JAKMIP3: variants seen among roughly 807,000 people sequenced by gnomAD.
JAKMIP3 encodes the protein janus kinase and microtubule-interacting protein 3.
In JAKMIP3, 58 loss-of-function variants were observed where a neutral mutation model predicts 118.5. The observed-to-expected ratio is 0.49, with a 90% confidence interval of 0.40 to 0.61. JAKMIP3 has a LOEUF of 0.61. JAKMIP3 is among the 20% of genes least tolerant of loss of function. JAKMIP3 has a pLI of 0.00. For missense variants in JAKMIP3, 950 were observed against 1,109.0 expected (o/e 0.86, Z 2.04); for synonymous variants, 486 against 451.2 (o/e 1.08, Z -0.98).
At chr10:132,144,789 T>G in intron 11 of JAKMIP3, 1 of 231,630 alleles carries the variant, frequency 4.3e-6, no homozygotes, top group Non-Finnish European at 8.4e-6. Context: ...ATTAGTGGGG[T>G]GTGGTGGTGC....
intron 23 of JAKMIP3, among the ~76,000 whole-genome samples, chr10:132,171,196 G>A (rs1184504889): frequency 1.3e-5 from 2 of 152,232 alleles, no homozygotes; most frequent in African/African-American, 2.4e-5. Flanking sequence ...GAAGCGAGGC[G>A]GCTGTCATCC....
intron 3 of JAKMIP3, among the ~76,000 whole-genome samples, chr10:132,123,142 C>G (rs867194445): frequency 6.6e-6 from 1 of 152,202 alleles, no homozygotes; most frequent in Admixed American, 6.5e-5. Context: ...GAGGCACTTT[C>G]CACCCACAGG....
chr10:132,150,827 C>T (rs1035463489), intron 16 of JAKMIP3, among the ~76,000 whole-genome samples: 1 of 149,380 alleles, frequency 6.7e-6, no homozygotes, highest in Admixed American at 6.6e-5. Flanking sequence ...TATCTGTCCT[C>T]CACAATTCAT....
At chr10:132,157,210 CCTT>C (rs1326194575) in intron 19 of JAKMIP3, among the ~76,000 whole-genome samples, 1 of 152,132 alleles carries the variant, frequency 6.6e-6, no homozygotes, top group Non-Finnish European at 1.5e-5. Context: ...GTTCTCTTCT[CCTT>C]CTCTGAAGTG....
At chr10:132,171,397 G>T (rs2059464641) in intron 23 of JAKMIP3, among the ~76,000 whole-genome samples, 1 of 152,202 alleles carries the variant, frequency 6.6e-6, no homozygotes, top group South Asian at 2.1e-4. Flanking sequence ...CCACAGCCCG[G>T]CAGGTGCACT....
intron 11 of JAKMIP3, chr10:132,144,293 C>T (rs1837108522): frequency 6.6e-6 from 1 of 152,280 alleles, no homozygotes; most frequent in Non-Finnish European, 1.5e-5. Flanking sequence ...GTGGGGCGGG[C>T]TCTGGGAGTC....
At chr10:132,108,168 CT>C (rs1191512671) in intron 2 of JAKMIP3, among the ~76,000 whole-genome samples, 2 of 152,200 alleles carry the variant, frequency 1.3e-5, no homozygotes, top group Non-Finnish European at 2.9e-5. Context: ...CCAGGGGGTT[CT>C]TTCTAGGTTG....
In JAKMIP3 at chr10:132,133,301, T is replaced by C; in HGVS notation, c.634-11T>C. On this transcript the variant is annotated splice_polypyrimidine_tract_variant and intron_variant, in intron 3 of 23. Transcript: ENST00000684848. ...TGCCGCCTGTGTGATTGTGTTCTGT[T>C]CTCCTTGTAGATGGAGGAGATAAAA... 6.4e-7 allele frequency: 1 copy of C among 1,566,778 alleles called. No homozygotes were observed. Among genetic ancestry groups the C allele is most frequent in the Non-Finnish European group, 8.7e-7 (1 of 1,154,288 alleles).
chr10:132,105,900 C>T (rs563940212), intron 2 of JAKMIP3, among the ~76,000 whole-genome samples: 6 of 152,218 alleles, frequency 3.9e-5, no homozygotes, highest in East Asian at 3.9e-4. Context: ...CATGGTCTGG[C>T]GGTGGAGGGG....
At chr10:132,172,978 TCC>T (rs1186268189) in intron 23 of JAKMIP3, among the ~76,000 whole-genome samples, 1 of 72,438 alleles carries the variant, frequency 1.4e-5, no homozygotes, top group Non-Finnish European at 2.8e-5. Context: ...TCTCTCTCCT[TCC>T]CTCTCTCTCT....
rs970105056 is a variant in JAKMIP3 at position 132,183,280 on chromosome 10, T to G, written c.*2027T>G. 11 of 152,220 alleles carry G rather than the reference T, an allele frequency of 7.2e-5. No homozygotes were observed. The highest frequency in any genetic ancestry group is 3.3e-4 in the Admixed American group (5 of 15,282). 9.4% of individuals were successfully genotyped at this position (152,220 alleles called of 1,614,324 possible). A position where few individuals can be genotyped will look rare whatever the true frequency, so the allele number is the denominator to read the frequency against. ...TACCTGGCTCCCTGCCAGCCTGGCCTCCTCCTCTGGGAGAGCTCCTGGCAT... is the reference window on the plus strand; with the variant it reads ...TACCTGGCTCCCTGCCAGCCTGGCCGCCTCCTCTGGGAGAGCTCCTGGCAT... On this transcript the variant is annotated 3_prime_UTR_variant, in exon 24 of 24. Coordinates refer to ENST00000684848, the MANE Select transcript of JAKMIP3 (RefSeq NM_001323087.2).
Position 132,138,223 on chromosome 10 carries a change from G to A in JAKMIP3, c.1344+45G>A, listed in dbSNP as rs1036535951. On this transcript the variant is annotated intron_variant, in intron 9 of 23. Transcript: ENST00000684848. ...CACGTGCGGAGAGTACGCCGGGTGT[G>A]TGCGGAGAGGACCACGCCCGCGTGT... 3.9e-6 allele frequency: 6 copies of A among 1,538,058 alleles called. No individual in the cohort carries two copies. The African/African-American group carries it at 5.6e-5, about 14-fold the overall frequency.
rs866565929 is a variant in JAKMIP3, at chr10:132,180,610, T to C, written c.*1104-1747T>C. Among the ~76,000 whole-genome samples the C allele has an allele frequency of 5.0e-3, 159 of 31,558 alleles. 23 individuals are homozygous for C. The highest frequency in any genetic ancestry group is 0.022 in the East Asian group (7 of 322). The allele number at this position is 31,558 out of a possible 152,430, so 20.7% of individuals were successfully genotyped here. A position where few individuals can be genotyped will look rare whatever the true frequency, so the allele number is the denominator to read the frequency against. Reference sequence around the variant, plus strand: ...GCGTGTGTGTGTGCGTGCGCGTGTGTGTGTGCGTGTGTGTGCGTGTGTGCG... The same window carrying C: ...GCGTGTGTGTGTGCGTGCGCGTGTGCGTGTGCGTGTGTGTGCGTGTGTGCG... On this transcript the variant is annotated intron_variant, in intron 23 of 23. Coordinates refer to ENST00000684848, the MANE Select transcript of JAKMIP3 (RefSeq NM_001323087.2).
rs201838731 is a variant in JAKMIP3 at position 132,080,503 on chromosome 10, ATTTTTTTTTTTTTT to A, written c.-138+14465_-138+14478del. Among the ~76,000 whole-genome samples, 57 of 61,576 alleles carry A rather than the reference ATTTTTTTTTTTTTT, an allele frequency of 9.3e-4. 2 individuals are homozygous for A. Among genetic ancestry groups the A allele is most frequent in the African/African-American group, 3.5e-3 (50 of 14,264 alleles). The allele number at this position is 61,576 out of a possible 152,430, so 40.4% of individuals were successfully genotyped here. On this transcript the variant is annotated intron_variant, in intron 1 of 23. Transcript: ENST00000684848. ...TATTTTCTTGCTGTCAAGTTATAGG[ATTTTTTTTTTTTTT>A]TTTTTTTTTTTTTTTTTTTTTTAAG... is the stretch of plus-strand genomic sequence containing the variant.
chr10:132,145,143 C>G lies in JAKMIP3; in HGVS notation c.1639C>G (p.Gln547Glu). 1 of 1,612,536 alleles carries G rather than the reference C, an allele frequency of 6.2e-7. No individual in the cohort carries two copies. The highest frequency in any genetic ancestry group is 8.5e-7 in the Non-Finnish European group (1 of 1,179,756). Residue 547 changes from glutamine to glutamate, a missense_variant, in exon 12 of 24, where the codon CAG becomes GAG. Gln to Glu is a conservative substitution (Grantham distance 29). Coordinates refer to ENST00000684848, the MANE Select transcript of JAKMIP3 (RefSeq NM_001323087.2). ...EQLQAEVQRA[Q>E]ARIEDLEKAL... ...GCTACAAGCCGAAGTGCAGAGGGCA[C>G]AGGCGCGGATAGAGGACCTGGAGAA...
intron 13 of JAKMIP3, 36 bp downstream of exon 13, chr10:132,145,616 C>G (rs372207623): frequency 9.8e-6 from 15 of 1,526,956 alleles, no homozygotes; most frequent in Non-Finnish European, 1.3e-5. Flanking sequence ...TGGCAGGACT[C>G]GCTCTATGCT....
chr10:132,133,238 G>A, intron 3 of JAKMIP3, 74 bp from the exon 4 acceptor site: 1 of 1,284,430 alleles, frequency 7.8e-7, no homozygotes, highest in Admixed American at 2.0e-5. Context: ...GCCTGGCAGG[G>A]CTGCGCCCGT....
intron 1 of JAKMIP3, among the ~76,000 whole-genome samples, chr10:132,092,453 G>A (rs1206263200): frequency 6.6e-6 from 1 of 152,128 alleles, no homozygotes; most frequent in African/African-American, 2.4e-5. Flanking sequence ...TTTCTTGGAG[G>A]CTTCGTTCAT....
At chr10:132,089,179 T>G (rs191233199) in intron 1 of JAKMIP3, among the ~76,000 whole-genome samples, 5 of 150,698 alleles carry the variant, frequency 3.3e-5, no homozygotes, top group Admixed American at 2.6e-4. Context: ...TAGGGTTGTC[T>G]TGGCAATGCG....
Sources: allele counts gnomAD v4.1 joint callset (sites outside exome capture counted in the v4.1 genomes callset), GRCh38; gene constraint gnomAD v4.1.1; transcripts MANE v1.5; gene names NCBI Gene and HGNC (gene_info 2026-07-23, HGNC 2026-07-21).